IGF2R: variants seen among roughly 807,000 people sequenced by gnomAD.
The protein encoded by IGF2R is cation-independent mannose-6-phosphate receptor.
IGF2R carries 91 observed loss-of-function variants against 270.6 expected under a neutral mutation model. The observed-to-expected ratio is 0.34, with a 90% CI of 0.28 to 0.40. IGF2R has a LOEUF of 0.40. Ranked by LOEUF, IGF2R falls within the 10% of genes least tolerant of loss-of-function variation. The pLI is 1.00. For missense variants in IGF2R, 2,805 were observed against 3,188.3 expected (o/e 0.88, Z 2.90); for synonymous variants, 1,316 against 1,258.9 (o/e 1.05, Z -0.96).
intron 35 of IGF2R, 113 bp downstream of exon 35, chr6:160,074,088 A>G (rs1778805756): frequency 1.4e-6 from 1 of 727,144 alleles, no homozygotes; most frequent in African/African-American, 1.8e-5. Context: ...AAAAATGGAG[A>G]AAGTAAGTGG....
chr6:160,078,996 A>C (rs1367611710), intron 37 of IGF2R, among the ~76,000 whole-genome samples: 1 of 152,154 alleles, frequency 6.6e-6, no homozygotes, highest in Non-Finnish European at 1.5e-5. Flanking sequence ...CAGTGCCTGG[A>C]CTGGGGTACG....
chr6:160,032,196 C>T (rs910157517), intron 7 of IGF2R, among the ~76,000 whole-genome samples: 3 of 152,114 alleles, frequency 2.0e-5, no homozygotes, highest in Non-Finnish European at 4.4e-5. Flanking sequence ...TAGCGCTTGC[C>T]GATGTCCTAG....
chr6:159,979,210 G>T (rs1783741468), intron 1 of IGF2R, among the ~76,000 whole-genome samples: 1 of 152,176 alleles, frequency 6.6e-6, no homozygotes, highest in Admixed American at 6.5e-5. Context: ...TATCTGCATG[G>T]TTATCTGTAC....
Position 160,072,000 on chromosome 6 carries a change from G to A in IGF2R, c.4534G>A (p.Glu1512Lys). 3 of 1,614,154 alleles carry A rather than the reference G, an allele frequency of 1.9e-6. No homozygotes were observed. Among genetic ancestry groups the A allele is most frequent in the Non-Finnish European group, 2.5e-6 (3 of 1,180,020 alleles). Reference sequence around the variant, plus strand: ...CACAGCCTGTCCCATGAAGAGCAACGAGCATGATGACTGCCAGGTCACCAA... The same window carrying A: ...CACAGCCTGTCCCATGAAGAGCAACAAGCATGATGACTGCCAGGTCACCAA... ...TATACPMKSN[E>K]HDDCQVTNPS... The change falls in exon 32 of 48, where the codon GAG becomes AAG. Residue 1512 changes from glutamate to lysine, a missense_variant. By Grantham distance (56) the Glu-to-Lys change is moderately conservative (BLOSUM62 1). This residue lies in a region of IGF2R where 1,851 missense variants were observed against 2,207.2 expected (regional missense o/e 0.84). Coordinates refer to ENST00000356956, the MANE Select transcript of IGF2R (RefSeq NM_000876.4).
chr6:159,993,205 G>A (rs1784004166), intron 2 of IGF2R, among the ~76,000 whole-genome samples: 1 of 152,114 alleles, frequency 6.6e-6, no homozygotes, highest in Non-Finnish European at 1.5e-5. Flanking sequence ...TAGGTTTTCT[G>A]TTTACTCTGC....
intron 4 of IGF2R, among the ~76,000 whole-genome samples, chr6:160,020,874 C>T (rs180951251): frequency 9.9e-5 from 15 of 152,276 alleles, no homozygotes; most frequent in Admixed American, 6.5e-4. Context: ...AAAGCTCTCT[C>T]GGATCTTCGC....
intron 4 of IGF2R, among the ~76,000 whole-genome samples, chr6:160,023,113 A>G (rs572539340): frequency 1.3e-5 from 2 of 152,252 alleles, no homozygotes; most frequent in South Asian, 2.1e-4. Context: ...GGGCTGAGGT[A>G]GTAGGGCACT....
intron 5 of IGF2R, among the ~76,000 whole-genome samples, chr6:160,026,799 C>A (rs1054657287): frequency 6.6e-6 from 1 of 152,174 alleles, no homozygotes; most frequent in African/African-American, 2.4e-5. Flanking sequence ...GGATTTGAAC[C>A]CAGAGCTGTG....
In IGF2R at chr6:160,106,585, C is replaced by T. The variant is rs563542174; in HGVS notation, c.*1501C>T. 4 of 152,080 alleles carry T rather than the reference C, an allele frequency of 2.6e-5. 1 individual carries two copies. The South Asian group carries it at 6.2e-4, about 24-fold the overall frequency. The allele number at this position is 152,080 out of a possible 1,614,324, so 9.4% of individuals were successfully genotyped here. A position where few individuals can be genotyped will look rare whatever the true frequency, so the allele number is the denominator to read the frequency against. ...TACCATTTTTTCCTTGATAGTGAGA[C>T]GTTCCCGAGCGAGTTACCCATCTGC... On this transcript the variant is annotated 3_prime_UTR_variant, in exon 48 of 48. Transcript: ENST00000356956.
chr6:160,050,606 C>G lies in IGF2R; in HGVS notation c.2648C>G (p.Thr883Ser). The G allele has an allele frequency of 6.2e-7, 1 of 1,613,630 alleles. No individual in the cohort carries two copies. The part of the protein sequence containing the change: ...SACTTSDGRQ[T>S]TYTTRIHLVC... ...TGCACCACCAGCGATGGCAGACAGA[C>G]CACATATACCACGAGGATCCATCTC... Residue 883 changes from threonine (T) to serine (S), a missense_variant, in exon 19 of 48, where the codon ACC (threonine) becomes AGC (serine). This residue lies in a region of IGF2R where 1,851 missense variants were observed against 2,207.2 expected (regional missense o/e 0.84). Transcript: ENST00000356956. This position sits in a 1 kb window ranked among gnomAD's most constrained non-coding sequence, Gnocchi z 4.0.
At chr6:160,069,645 C>T (rs980109111) in intron 30 of IGF2R, among the ~76,000 whole-genome samples, 4 of 152,172 alleles carry the variant, frequency 2.6e-5, no homozygotes, top group African/African-American at 7.2e-5. Context: ...CACTCACGCC[C>T]GCCTGCCCCA....
At chr6:160,013,794 A>G (rs1777206678) in intron 4 of IGF2R, among the ~76,000 whole-genome samples, 1 of 152,198 alleles carries the variant, frequency 6.6e-6, no homozygotes, top group Non-Finnish European at 1.5e-5. Context: ...AATGACTGCT[A>G]AAAATGTAGT....
At chr6:159,979,679 G>T (rs1227587310) in intron 1 of IGF2R, among the ~76,000 whole-genome samples, 3 of 152,174 alleles carry the variant, frequency 2.0e-5, no homozygotes, top group South Asian at 2.1e-4. Context: ...GCACCCTGGT[G>T]GGGGGCCTGC....
At chr6:160,048,821 CAA>C (rs146685332) in intron 18 of IGF2R, among the ~76,000 whole-genome samples, 4,732 of 152,314 alleles carry the variant, frequency 0.031, 101 homozygotes, top group Non-Finnish European at 0.043. Context: ...AGCCTGAATT[CAA>C]AAGTGTCTTT....
chr6:160,046,191 C>G (rs559940042), intron 14 of IGF2R, among the ~76,000 whole-genome samples: 1 of 152,282 alleles, frequency 6.6e-6, no homozygotes, highest in African/African-American at 2.4e-5. Flanking sequence ...ACAAGAAGGC[C>G]ATAATATCAT....
intron 1 of IGF2R, among the ~76,000 whole-genome samples, chr6:159,973,186 A>G (rs116708679): frequency 0.011 from 1,631 of 152,252 alleles, 26 homozygotes; most frequent in African/African-American, 0.038. Flanking sequence ...AGGCCATGCA[A>G]AACCAACAAC....
chr6:160,069,732 AAT>A, intron 30 of IGF2R, 134 bp from the exon 31 acceptor site: 1 of 722,218 alleles, frequency 1.4e-6, no homozygotes, highest in Non-Finnish European at 2.3e-6. Context: ...ATGTGAAAGA[AAT>A]AGCAGGTATT....
intron 4 of IGF2R, among the ~76,000 whole-genome samples, chr6:160,015,797 G>C (rs1468104799): frequency 1.3e-5 from 2 of 152,210 alleles, no homozygotes; most frequent in East Asian, 1.9e-4. Context: ...GGTCCCTCAT[G>C]AATGGTCTAG....
At chr6:160,035,308 C>T (rs1412387158) in intron 10 of IGF2R, among the ~76,000 whole-genome samples, 1 of 152,152 alleles carries the variant, frequency 6.6e-6, no homozygotes, top group Admixed American at 6.5e-5. Context: ...GTGTGTTTTT[C>T]TACAGCAGAG....
Sources: gnomAD v4.1 joint callset for allele counts (sites outside exome capture counted in the v4.1 genomes callset) on GRCh38, gnomAD v4.1.1 for gene constraint, gnomAD v4.1.1 regional missense constraint, Gnocchi (gnomAD v3.1) non-coding constraint, MANE v1.5 for transcripts, NCBI Gene and HGNC (gene_info 2026-07-23, HGNC 2026-07-21) for gene names.